The following ZNF606 variants were observed in gnomAD, a reference collection of about 807,000 sequenced individuals.
The protein encoded by ZNF606 is zinc finger protein 328.
Under a neutral mutation model 74.9 loss-of-function variants are expected in ZNF606, and 37 were observed. That is an observed-to-expected ratio of 0.49 (90% confidence interval 0.38 to 0.65). The LOEUF is 0.65. ZNF606 is among the 30% of genes least tolerant of loss of function. The probability of loss-of-function intolerance (pLI) is 0.00; values close to 1 mark genes in which losing one functional copy is unlikely to be tolerated. For synonymous variants in ZNF606, 328 were observed against 312.4 expected (o/e 1.05, Z -0.53); for missense variants, 852 against 952.9 (o/e 0.89, Z 1.39).
At chr19:57,990,051 CAAAAAAAAA>C (rs1159494660) in intron 4 of ZNF606, among the ~76,000 whole-genome samples, 3 of 13,842 alleles carry the variant, frequency 2.2e-4, no homozygotes, top group African/African-American at 8.7e-4. Context: ...GACTCCATCT[CAAAAAAAAA>C]AAAAAAAAAA....
chr19:57,988,310 T>C lies in ZNF606; in HGVS notation c.305-8A>G. On this transcript the variant is annotated splice_region_variant and splice_polypyrimidine_tract_variant and intron_variant, in intron 5 of 6. Coordinates refer to ENST00000551380, the MANE Select transcript of ZNF606 (RefSeq NM_001348022.3). ...GCTTGGCAATCTGATTTCCTATGCA[T>C]GGAGGAAAAGCATGGAAATCATGTC... 1.9e-6 allele frequency: 3 copies of C among 1,611,654 alleles called. No homozygotes were observed. Among genetic ancestry groups the C allele is most frequent in the Non-Finnish European group, 2.5e-6 (3 of 1,178,388 alleles).
intron 4 of ZNF606, chr19:57,999,592 T>C: frequency 1.9e-6 from 1 of 514,172 alleles, no homozygotes; most frequent in Non-Finnish European, 3.4e-6. Flanking sequence ...CCAGGGAGAG[T>C]TGGAGCTCAG....
intron 6 of ZNF606, among the ~76,000 whole-genome samples, chr19:57,986,555 G>A (rs148164902): frequency 8.3e-4 from 126 of 152,198 alleles, no homozygotes; most frequent in African/African-American, 3.0e-3. Context: ...AGCTACATAA[G>A]TATAAAAAGA....
chr19:58,001,483 G>T (rs1409878197), intron 1 of ZNF606, 113 bp from the exon 2 acceptor site: 6 of 746,436 alleles, frequency 8.0e-6, no homozygotes, highest in Non-Finnish European at 1.4e-5. Flanking sequence ...AAGGAGCATC[G>T]TAAGAAAAGA....
In ZNF606 at chr19:57,988,615, T is replaced by A. The variant is rs1218588341; in HGVS notation, c.284A>T (p.Tyr95Phe). ...TLYRDVMLET[Y>F]GHLLSVGNQI... ...CTTACCCACAGAGAGCAGGTGACCA[T>A]AGGTCTCCAGCATCACATCACGGTA... The change falls in exon 5 of 7, where the codon TAT becomes TTT. Residue 95 changes from tyrosine to phenylalanine, a missense_variant. By Grantham distance (22) the Tyr-to-Phe change is conservative. Around this residue, in one of 3 missense-constraint regions of ZNF606, gnomAD observed 545 missense variants for 542.5 expected, o/e 1.00. Coordinates refer to ENST00000551380, the MANE Select transcript of ZNF606 (RefSeq NM_001348022.3). 1 of 1,613,950 alleles carries A rather than the reference T, an allele frequency of 6.2e-7. No individual in the cohort carries two copies.
chr19:57,995,124 A>G (rs2073314970), intron 4 of ZNF606, among the ~76,000 whole-genome samples: 1 of 149,936 alleles, frequency 6.7e-6, no homozygotes, highest in East Asian at 2.0e-4. Context: ...CCGCGAGGCA[A>G]GGTTGCAGTG....
In ZNF606 at chr19:57,980,195, T is replaced by A; in HGVS notation, c.485A>T (p.Glu162Val). The A allele has an allele frequency of 6.2e-7, 1 of 1,614,162 alleles. No individual in the cohort carries two copies. The highest frequency in any genetic ancestry group is 8.5e-7 in the Non-Finnish European group (1 of 1,180,040). ...EEEQSHGMKLERYIWDDPWFS... is the reference protein window; with the variant it reads ...EEEQSHGMKLVRYIWDDPWFS... ...CCAAGGATCATCCCATATATATCTT[T>A]CCAACTTCATGCCATGGGATTGTTC... is the stretch of plus-strand genomic sequence containing the variant. The change falls in exon 7 of 7, where the codon GAA (glutamate) becomes GTA (valine). Residue 162 changes from glutamate to valine, a missense_variant. Coordinates refer to ENST00000551380, the MANE Select transcript of ZNF606 (RefSeq NM_001348022.3).
chr19:57,984,540 T>G (rs1054670317), intron 6 of ZNF606, among the ~76,000 whole-genome samples: 34 of 152,322 alleles, frequency 2.2e-4, no homozygotes, highest in Admixed American at 1.1e-3. Flanking sequence ...TGTGGCACAT[T>G]GCCAAAAATA....
chr19:57,986,596 CT>C (rs1014355018), intron 6 of ZNF606, among the ~76,000 whole-genome samples: 5 of 152,052 alleles, frequency 3.3e-5, no homozygotes, highest in East Asian at 1.9e-4. Context: ...TTTCTAGCTC[CT>C]TTTTTTCAGT....
chr19:57,989,090 G>A (rs1165114334), intron 4 of ZNF606, among the ~76,000 whole-genome samples: 1 of 152,146 alleles, frequency 6.6e-6, no homozygotes, highest in Non-Finnish European at 1.5e-5. Context: ...TATGAGCACT[G>A]GCTACAAGCG....
chr19:57,979,437 G>C lies in ZNF606; in HGVS notation c.1243C>G (p.Leu415Val). ...GTATGAGTTTTCTTATGTTGAATAA[G>C]GTAAGAGCTCCAGATGAAAGACGTC... ...CGTSFIWSSY[L>V]IQHKKTHTGE... Residue 415 changes from leucine to valine, a missense_variant, in exon 7 of 7, where the codon CTT becomes GTT. By Grantham distance (32) the Leu-to-Val change is conservative. Around this residue, in one of 3 missense-constraint regions of ZNF606, gnomAD observed 545 missense variants for 542.5 expected, o/e 1.00. Transcript: ENST00000551380. 1 of 1,614,060 alleles carries C rather than the reference G, an allele frequency of 6.2e-7. No homozygotes were observed. The highest frequency in any genetic ancestry group is 1.1e-5 in the South Asian group (1 of 91,070).
Position 57,977,521 on chromosome 19 carries a change from G to C in ZNF606, c.*780C>G, listed in dbSNP as rs1457064633. ...TATCCTTTTTATTCCTTCATGTTAT[G>C]TATACTGATGCAGTGTCCATAATTA... On this transcript the variant is annotated 3_prime_UTR_variant, in exon 7 of 7. Coordinates refer to ENST00000551380, the MANE Select transcript of ZNF606 (RefSeq NM_001348022.3). The C allele has an allele frequency of 6.6e-6, 1 of 152,024 alleles. No individual in the cohort carries two copies. The highest frequency in any genetic ancestry group is 1.5e-5 in the Non-Finnish European group (1 of 68,008). The allele number at this position is 152,024 out of a possible 1,614,324, so 9.4% of individuals were successfully genotyped here.
chr19:57,991,088 C>T (rs897637632), intron 4 of ZNF606, among the ~76,000 whole-genome samples: 1 of 152,158 alleles, frequency 6.6e-6, no homozygotes, highest in Non-Finnish European at 1.5e-5. Flanking sequence ...AGGTACAGTG[C>T]ACCCTCGCCT....
chr19:57,978,670 A>G lies in ZNF606; in HGVS notation c.2010T>C (p.His670=). The G allele has an allele frequency of 3.7e-6, 6 of 1,614,146 alleles. No homozygotes were observed. The highest frequency in any genetic ancestry group is 5.1e-6 in the Non-Finnish European group (6 of 1,180,040). The change falls in exon 7 of 7, where the codon CAT becomes CAC. Residue 670 remains histidine, a synonymous_variant. Coordinates refer to ENST00000551380, the MANE Select transcript of ZNF606 (RefSeq NM_001348022.3). This position sits in a 1 kb window ranked among gnomAD's most constrained non-coding sequence, Gnocchi z 4.4. ...GTTTCTCACCAGTGTGAATTCTCCG[A>G]TGAGCAACAAGGTGACAGCTCTGAC... The part of the protein sequence containing the change: ...SFSQSCHLVA[H]RRIHTGEKPY...
At chr19:57,993,552 G>C (rs11672474) in intron 4 of ZNF606, among the ~76,000 whole-genome samples, 2 of 152,204 alleles carry the variant, frequency 1.3e-5, no homozygotes, top group African/African-American at 2.4e-5. Context: ...GGGAGAGGCA[G>C]GAGTGAGTCA....
At position 57,980,421 on chromosome 19, in the gene ZNF606, T is replaced by C. The variant is rs983916092; in HGVS notation, c.401-142A>G. 5.1e-5 allele frequency: 40 copies of C among 777,552 alleles called. No individual in the cohort carries two copies. The South Asian group carries it at 7.2e-4, about 14-fold the overall frequency. 48.2% of individuals were successfully genotyped at this position (777,552 alleles called of 1,614,324 possible). Reference sequence around the variant, plus strand: ...TCCAGGCTTAGAACTCAGAGAAAGATCATAATAGGGAAAAGAATAGTGAAA... The same window carrying C: ...TCCAGGCTTAGAACTCAGAGAAAGACCATAATAGGGAAAAGAATAGTGAAA... On this transcript the variant is annotated intron_variant, in intron 6 of 6. Coordinates refer to ENST00000551380, the MANE Select transcript of ZNF606 (RefSeq NM_001348022.3).
intron 3 of ZNF606, 21 bp downstream of exon 3, chr19:58,000,662 C>T (rs1440551537): frequency 6.2e-7 from 1 of 1,613,760 alleles, no homozygotes; most frequent in African/African-American, 1.3e-5. Flanking sequence ...CAGCCCACAG[C>T]TGACCAGGCT....
intron 6 of ZNF606, among the ~76,000 whole-genome samples, chr19:57,986,881 C>G (rs1345170646): frequency 6.6e-6 from 1 of 151,992 alleles, no homozygotes; most frequent in African/African-American, 2.4e-5. Flanking sequence ...CACAGGAGTT[C>G]AAGACTAGCC....
intron 6 of ZNF606, among the ~76,000 whole-genome samples, chr19:57,984,979 C>T (rs1440053478): frequency 6.6e-6 from 1 of 152,054 alleles, no homozygotes; most frequent in Non-Finnish European, 1.5e-5. Context: ...CCTGTAGTCC[C>T]ACCTACTAGG....
Sources: allele counts gnomAD v4.1 joint callset (sites outside exome capture counted in the v4.1 genomes callset), GRCh38; gene constraint gnomAD v4.1.1; regional missense constraint gnomAD v4.1.1; non-coding constraint Gnocchi (gnomAD v3.1); transcripts MANE v1.5; gene names NCBI Gene and HGNC (gene_info 2026-07-23, HGNC 2026-07-21).